Variants in GRIN2A observed in about 807,000 individuals in gnomAD.
GRIN2A encodes the protein glutamate ionotropic receptor NMDA type subunit 2A, also known as glutamate receptor ionotropic, NMDA 2A.
A neutral mutation model predicts 113.4 loss-of-function variants in GRIN2A; 22 were observed. That is an observed-to-expected ratio of 0.19 (90% confidence interval 0.14 to 0.28). The LOEUF (loss-of-function observed/expected upper bound fraction) is 0.28. GRIN2A is among the 10% of genes least tolerant of loss of function. The pLI, the probability that GRIN2A is intolerant of heterozygous loss-of-function variation, is 1.00. For missense variants in GRIN2A, 1,502 were observed against 1,887.0 expected (o/e 0.80, Z 3.78); for synonymous variants, 827 against 738.4 (o/e 1.12, Z -1.94).
At chr16:9,812,398 G>T (rs558178620) in intron 10 of GRIN2A, among the ~76,000 whole-genome samples, 1 of 152,314 alleles carries the variant, frequency 6.6e-6, no homozygotes, top group South Asian at 2.1e-4. Flanking sequence ...CAGCACTTTG[G>T]GAGGCCGAGG....
rs140601867 is a variant in GRIN2A, at chr16:10,055,136, A to G, written c.415-116585T>C. On this transcript the variant is annotated intron_variant, in intron 2 of 12. Coordinates refer to ENST00000330684, the MANE Select transcript of GRIN2A (RefSeq NM_001134407.3). Reference sequence around the variant, plus strand: ...AGAAAAAAAAAACAGTAGTTGGAAAAATATAGTACTGTTTATAAAAAGCAT... The same window carrying G: ...AGAAAAAAAAAACAGTAGTTGGAAAGATATAGTACTGTTTATAAAAAGCAT... 3.0e-3 allele frequency among the ~76,000 whole-genome samples: 449 copies of G among 147,810 alleles called. 6 individuals carry two copies. The highest frequency in any genetic ancestry group is 0.01 in the African/African-American group (407 of 40,414).
chr16:10,167,750 A>T (rs2049954583), intron 2 of GRIN2A, among the ~76,000 whole-genome samples: 1 of 152,248 alleles, frequency 6.6e-6, no homozygotes, highest in Non-Finnish European at 1.5e-5. Context: ...TGGAGACAAT[A>T]TATCAATTGC....
At chr16:9,773,178 A>G (rs182160699) in intron 11 of GRIN2A, among the ~76,000 whole-genome samples, 1 of 152,186 alleles carries the variant, frequency 6.6e-6, no homozygotes, top group African/African-American at 2.4e-5. Flanking sequence ...CATTGAATCC[A>G]TATTTTCTGT....
chr16:9,787,178 C>G (rs1465390948), intron 11 of GRIN2A, among the ~76,000 whole-genome samples: 7 of 152,032 alleles, frequency 4.6e-5, no homozygotes, highest in Non-Finnish European at 1.0e-4. Context: ...CATTCCAGGC[C>G]CTCCCAATCT....
chr16:9,900,896 C>T (rs117597042), intron 3 of GRIN2A, among the ~76,000 whole-genome samples: 3 of 152,256 alleles, frequency 2.0e-5, no homozygotes, highest in East Asian at 3.9e-4. Flanking sequence ...ATGTATGTAA[C>T]GTGGCGTGCA....
intron 2 of GRIN2A, among the ~76,000 whole-genome samples, chr16:10,058,393 T>A (rs13337046): frequency 0.039 from 5,985 of 152,306 alleles, 421 homozygotes; most frequent in African/African-American, 0.14. Context: ...CAAACTTGTG[T>A]TATGTTTATG....
chr16:9,934,676 T>C (rs984736302), intron 3 of GRIN2A, among the ~76,000 whole-genome samples: 1 of 28,718 alleles, frequency 3.5e-5, no homozygotes, highest in African/African-American at 2.1e-4. Flanking sequence ...CGAGACTCTG[T>C]CTAAAAAAAA....
intron 2 of GRIN2A, among the ~76,000 whole-genome samples, chr16:10,068,751 G>A (rs934775766): frequency 1.6e-4 from 24 of 152,214 alleles, no homozygotes; most frequent in Middle Eastern, 3.2e-3. Context: ...AGTGCCATGA[G>A]AGTAAAGGAC....
At chr16:10,121,319 G>A (rs572048559) in intron 2 of GRIN2A, 2 of 152,228 alleles carry the variant, frequency 1.3e-5, no homozygotes, top group African/African-American at 4.8e-5. Context: ...CTGGGGGAAA[G>A]TCACCTACCT....
chr16:9,768,384 T>C (rs2141147749), intron 12 of GRIN2A, among the ~76,000 whole-genome samples: 1 of 152,340 alleles, frequency 6.6e-6, no homozygotes, highest in East Asian at 1.9e-4. Flanking sequence ...GTTACTAATA[T>C]TTAAAAATGG....
chr16:9,939,297 G>C (rs1484904034), intron 2 of GRIN2A, among the ~76,000 whole-genome samples: 1 of 152,188 alleles, frequency 6.6e-6, no homozygotes, highest in Admixed American at 6.5e-5. Context: ...GAGGAATCCC[G>C]AGGATGCACT....
intron 3 of GRIN2A, among the ~76,000 whole-genome samples, chr16:9,934,565 C>T (rs2044667015): frequency 6.9e-6 from 1 of 145,244 alleles, no homozygotes; most frequent in South Asian, 2.1e-4. Flanking sequence ...CCTGTAGTCC[C>T]AGTTACTTAG....
chr16:10,126,755 T>C (rs990978244), intron 2 of GRIN2A, among the ~76,000 whole-genome samples: 24 of 152,220 alleles, frequency 1.6e-4, no homozygotes, highest in Admixed American at 3.3e-4. Context: ...AGCAACCATT[T>C]GATTCTGCCA....
rs1234521605 is a variant in GRIN2A, at chr16:9,840,501, G to C, written c.1651+146C>G. 15 of 794,508 alleles carry C rather than the reference G, an allele frequency of 1.9e-5. 1 individual carries two copies. The highest frequency in any genetic ancestry group is 3.0e-5 in the Non-Finnish European group (14 of 461,702). The allele number at this position is 794,508 out of a possible 1,614,324, so 49.2% of individuals were successfully genotyped here. On this transcript the variant is annotated intron_variant, in intron 7 of 12. Transcript: ENST00000330684. ...GGACCCAAAGCCTAACCCTTTCATA[G>C]GATAATTCAAATGCAGCATCCTCTG...
chr16:9,988,128 A>C (rs2046014603), intron 2 of GRIN2A, among the ~76,000 whole-genome samples: 2 of 152,140 alleles, frequency 1.3e-5, no homozygotes, highest in African/African-American at 2.4e-5. Context: ...GCAATAGAAG[A>C]ATACCAGATC....
chr16:10,102,327 T>C (rs11861175), intron 2 of GRIN2A, among the ~76,000 whole-genome samples: 65,017 of 152,002 alleles, frequency 0.43, 15,213 homozygotes, highest in Admixed American at 0.57. Context: ...AGTGTGGCAC[T>C]GATCCCCTTT....
intron 2 of GRIN2A, among the ~76,000 whole-genome samples, chr16:10,147,712 C>T (rs1449301697): frequency 2.6e-5 from 4 of 151,742 alleles, no homozygotes; most frequent in Admixed American, 6.6e-5. Context: ...GGAGGATCAC[C>T]CCAAAATACA....
intron 2 of GRIN2A, among the ~76,000 whole-genome samples, chr16:10,072,153 G>A (rs990734247): frequency 1.3e-5 from 2 of 152,222 alleles, no homozygotes; most frequent in Admixed American, 6.5e-5. Flanking sequence ...CATCGTGAGA[G>A]TGAGCAAAGA....
intron 2 of GRIN2A, among the ~76,000 whole-genome samples, chr16:10,048,442 CA>C (rs1313088534): frequency 2.0e-5 from 3 of 152,164 alleles, no homozygotes; most frequent in Admixed American, 6.5e-5. Flanking sequence ...CAGTCAACAG[CA>C]AAAAGAAAAC....
Sources: allele counts gnomAD v4.1 joint callset (sites outside exome capture counted in the v4.1 genomes callset), GRCh38; gene constraint gnomAD v4.1.1; transcripts MANE v1.5; gene names NCBI Gene and HGNC (gene_info 2026-07-23, HGNC 2026-07-21).